Variants in EXT1 observed in about 807,000 individuals in gnomAD.
EXT1 encodes the protein exostosin-1.
In EXT1, 20 loss-of-function variants were observed where a neutral mutation model predicts 82.5. The ratio of observed to expected loss-of-function variants is 0.24; its 90% CI spans 0.17 to 0.35. The LOEUF (loss-of-function observed/expected upper bound fraction) is 0.35, where lower values mean the gene tolerates loss of function less well. Ranked by LOEUF, EXT1 falls within the 10% of genes least tolerant of loss-of-function variation. The pLI is 1.00. For synonymous variants in EXT1, 348 were observed against 350.8 expected, an observed-to-expected ratio of 0.99 and a Z score of 0.09; for missense variants, 757 against 936.5, an observed-to-expected ratio of 0.81 and a Z score of 2.50.
intron 1 of EXT1, among the ~76,000 whole-genome samples, chr8:117,969,682 G>A (rs1814898818): frequency 6.6e-6 from 1 of 152,046 alleles, no homozygotes; most frequent in South Asian, 2.1e-4. Flanking sequence ...TGGTGGCAGT[G>A]GTGTGTGTGT....
rs747386364 is a variant in EXT1, at chr8:117,973,886, G to GA, written c.962+136198dup. ...GAAAGGAAAGGAAAGGAAAGGAAAG[G>GA]AAGGAAAGGAAAGAAAAGGAAAGGA... On this transcript the variant is annotated intron_variant, in intron 1 of 10. Coordinates refer to ENST00000378204, the MANE Select transcript of EXT1 (RefSeq NM_000127.3). 1.1e-3 allele frequency among the ~76,000 whole-genome samples: 74 copies of GA among 67,304 alleles called. 1 individual carries two copies. Among genetic ancestry groups the GA allele is most frequent in the African/African-American group, 2.5e-3 (41 of 16,672 alleles). The allele number at this position is 67,304 out of a possible 152,430, so 44.2% of individuals were successfully genotyped here.
chr8:117,997,254 T>C (rs1415533676), intron 1 of EXT1, among the ~76,000 whole-genome samples: 1 of 129,896 alleles, frequency 7.7e-6, no homozygotes, highest in Admixed American at 8.4e-5. Context: ...ACTATATATA[T>C]ATATATATAC....
At chr8:118,057,141 T>C (rs1816806451) in intron 1 of EXT1, among the ~76,000 whole-genome samples, 1 of 152,210 alleles carries the variant, frequency 6.6e-6, no homozygotes, top group South Asian at 2.1e-4. Context: ...ACATAATAGA[T>C]GCTCAACAGT....
At chr8:117,887,058 C>T (rs981333000) in intron 1 of EXT1, among the ~76,000 whole-genome samples, 7 of 152,086 alleles carry the variant, frequency 4.6e-5, no homozygotes, top group African/African-American at 1.7e-4. Context: ...ATGCCATTGA[C>T]GATATAGCCT....
chr8:118,019,820 G>T (rs1276035969), intron 1 of EXT1, among the ~76,000 whole-genome samples: 1 of 152,220 alleles, frequency 6.6e-6, no homozygotes, highest in East Asian at 1.9e-4. Flanking sequence ...GGTGGTGGCA[G>T]ATTCCAGACT....
intron 1 of EXT1, among the ~76,000 whole-genome samples, chr8:117,897,083 G>C (rs1248630159): frequency 6.6e-6 from 1 of 152,172 alleles, no homozygotes; most frequent in Non-Finnish European, 1.5e-5. Context: ...CAAGTGGAAA[G>C]AATGCAAGGT....
At chr8:117,852,068 C>T (rs1360841936) in intron 1 of EXT1, among the ~76,000 whole-genome samples, 3 of 152,174 alleles carry the variant, frequency 2.0e-5, no homozygotes, top group African/African-American at 7.2e-5. Context: ...TTCCAAAAAT[C>T]CTATGAAGTA....
intron 1 of EXT1, among the ~76,000 whole-genome samples, chr8:117,895,244 A>G (rs1813315445): frequency 6.6e-6 from 1 of 152,160 alleles, no homozygotes; most frequent in African/African-American, 2.4e-5. Context: ...AGCATTCTAC[A>G]ATCCAAAAAT....
At chr8:117,868,480 CT>C (rs1812811989) in intron 1 of EXT1, among the ~76,000 whole-genome samples, 1 of 152,128 alleles carries the variant, frequency 6.6e-6, no homozygotes, top group Admixed American at 6.5e-5. Context: ...GAGACAGGGT[CT>C]CATTCTGTCA....
intron 1 of EXT1, among the ~76,000 whole-genome samples, chr8:117,979,218 G>A (rs112283688): frequency 1.3e-5 from 2 of 151,856 alleles, no homozygotes; most frequent in Non-Finnish European, 1.5e-5. Context: ...CCGGGCACTG[G>A]GGGGGTGCAC....
chr8:117,992,664 C>A (rs1421835372), intron 1 of EXT1, among the ~76,000 whole-genome samples: 1 of 152,130 alleles, frequency 6.6e-6, no homozygotes, highest in Non-Finnish European at 1.5e-5. Context: ...TTCACAGGCA[C>A]CTACTTTGCA....
intron 8 of EXT1, 128 bp downstream of exon 8, chr8:117,812,744 G>T (rs778463773): frequency 4.7e-6 from 4 of 847,884 alleles, no homozygotes; most frequent in African/African-American, 1.7e-5. Flanking sequence ...TAAAACCAGC[G>T]CTGTAGGAAG....
intron 1 of EXT1, among the ~76,000 whole-genome samples, chr8:117,892,496 C>T (rs1167860980): frequency 1.3e-5 from 2 of 152,036 alleles, no homozygotes; most frequent in African/African-American, 2.4e-5. Flanking sequence ...GTTGGGAGGT[C>T]GCATCAAACT....
intron 10 of EXT1, among the ~76,000 whole-genome samples, chr8:117,801,914 T>G (rs1178793379): frequency 1.3e-5 from 2 of 152,248 alleles, no homozygotes; most frequent in African/African-American, 4.8e-5. Context: ...TCATTCCTAT[T>G]CAAAAAATTT....
At chr8:117,996,002 C>G (rs984661840) in intron 1 of EXT1, among the ~76,000 whole-genome samples, 6 of 152,204 alleles carry the variant, frequency 3.9e-5, no homozygotes, top group African/African-American at 1.4e-4. Flanking sequence ...ATTTCTTGTC[C>G]TGGTGCTCTC....
intron 1 of EXT1, among the ~76,000 whole-genome samples, chr8:117,901,989 C>T (rs746371375): frequency 5.9e-5 from 9 of 151,984 alleles, no homozygotes; most frequent in African/African-American, 1.2e-4. Context: ...TGAGCCACTG[C>T]GCCCAGCCTA....
chr8:117,943,340 T>C (rs993798245), intron 1 of EXT1, among the ~76,000 whole-genome samples: 2 of 152,182 alleles, frequency 1.3e-5, no homozygotes, highest in Non-Finnish European at 2.9e-5. Flanking sequence ...CTGAGGAGGC[T>C]TGTAAAGAAA....
At chr8:117,952,096 C>T (rs1814500976) in intron 1 of EXT1, among the ~76,000 whole-genome samples, 1 of 152,112 alleles carries the variant, frequency 6.6e-6, no homozygotes, top group African/African-American at 2.4e-5. Context: ...AGTATCAGAA[C>T]ACATAAAAAC....
chr8:118,069,200 G>C (rs1167679923), intron 1 of EXT1, among the ~76,000 whole-genome samples: 5 of 152,184 alleles, frequency 3.3e-5, no homozygotes, highest in Non-Finnish European at 5.9e-5. Context: ...CCCATGACTT[G>C]TCTTGATCAG....
Sources: gnomAD v4.1 joint callset for allele counts (sites outside exome capture counted in the v4.1 genomes callset) on GRCh38, gnomAD v4.1.1 for gene constraint, MANE v1.5 for transcripts, NCBI Gene and HGNC (gene_info 2026-07-23, HGNC 2026-07-21) for gene names.